Variants in AGPAT5 observed in about 807,000 individuals in gnomAD.
The protein encoded by AGPAT5 is 1-acylglycerol-3-phosphate O-acyltransferase 5, also known as 1-acyl-sn-glycerol-3-phosphate acyltransferase epsilon.
AGPAT5 carries 46 observed loss-of-function variants against 45.6 expected under a neutral mutation model. The observed-to-expected ratio is 1.01, with a 90% CI of 0.80 to 1.29. The LOEUF is 1.29. Ranked by LOEUF, AGPAT5 falls within the 50% of genes most tolerant of loss-of-function variation. AGPAT5 has a pLI of 0.00. For synonymous variants in AGPAT5, 272 were observed against 167.0 expected (o/e 1.63, Z -4.85); for missense variants, 673 against 450.7 (o/e 1.49, Z -4.47).
At chr8:6,734,692 G>C (rs1186238585) in intron 4 of AGPAT5, among the ~76,000 whole-genome samples, 3 of 151,918 alleles carry the variant, frequency 2.0e-5, no homozygotes, top group African/African-American at 7.3e-5. Flanking sequence ...GGCCTTTTTT[G>C]TAAGACAGGA....
At chr8:6,711,155 T>G (rs1186756181) in intron 1 of AGPAT5, among the ~76,000 whole-genome samples, 1 of 152,230 alleles carries the variant, frequency 6.6e-6, no homozygotes, top group Non-Finnish European at 1.5e-5. Flanking sequence ...TGGTTCACAG[T>G]AGTTCTTGCA....
chr8:6,745,833 TGCTTA>T (rs930645154), intron 5 of AGPAT5: 3 of 152,226 alleles, frequency 2.0e-5, no homozygotes, highest in African/African-American at 7.2e-5. Flanking sequence ...GGTTTCCACA[TGCTTA>T]GCTTCGGTTG....
intron 4 of AGPAT5, 129 bp downstream of exon 4, chr8:6,732,779 G>C: frequency 1.2e-6 from 1 of 847,320 alleles, no homozygotes; most frequent in East Asian, 3.0e-5. Flanking sequence ...GGGTTATGCT[G>C]AGGTAACAGA....
intron 6 of AGPAT5, among the ~76,000 whole-genome samples, chr8:6,748,404 A>G (rs1020991438): frequency 2.0e-5 from 3 of 152,242 alleles, no homozygotes; most frequent in African/African-American, 2.4e-5. Flanking sequence ...AAACATGGAA[A>G]TAGGCAAACA....
intron 1 of AGPAT5, among the ~76,000 whole-genome samples, chr8:6,719,883 A>G (rs865990384): frequency 6.6e-6 from 1 of 152,328 alleles, no homozygotes; most frequent in African/African-American, 2.4e-5. Flanking sequence ...GGGGGATATG[A>G]TCAGAAGATG....
chr8:6,752,119 G>A (rs1430083369), intron 6 of AGPAT5, among the ~76,000 whole-genome samples: 1 of 152,136 alleles, frequency 6.6e-6, no homozygotes, highest in African/African-American at 2.4e-5. Flanking sequence ...AGCAGTTGCA[G>A]TGAGCTAAGA....
At chr8:6,756,396 G>A (rs774666600) in intron 7 of AGPAT5, among the ~76,000 whole-genome samples, 1 of 152,088 alleles carries the variant, frequency 6.6e-6, no homozygotes, top group Admixed American at 6.6e-5. Context: ...GGAGGCTAAG[G>A]CAGGCAAATT....
chr8:6,740,319 G>T (rs1801205240), intron 4 of AGPAT5, among the ~76,000 whole-genome samples: 1 of 151,854 alleles, frequency 6.6e-6, no homozygotes, highest in Non-Finnish European at 1.5e-5. Context: ...AATGTGTGGT[G>T]TTTGGAACTA....
intron 4 of AGPAT5, among the ~76,000 whole-genome samples, chr8:6,741,447 G>A (rs1258387100): frequency 6.6e-6 from 1 of 151,498 alleles, no homozygotes. Flanking sequence ...AATGAATGTA[G>A]CACTGCATTT....
At chr8:6,729,276 GA>G (rs1800786014) in intron 2 of AGPAT5, among the ~76,000 whole-genome samples, 1 of 151,704 alleles carries the variant, frequency 6.6e-6, no homozygotes, top group South Asian at 2.1e-4. Context: ...GTAATCTGTG[GA>G]AAACTGTCCT....
chr8:6,709,036 C>A (rs967209405), intron 1 of AGPAT5, 149 bp downstream of exon 1: 1 of 789,540 alleles, frequency 1.3e-6, no homozygotes, highest in Non-Finnish European at 2.1e-6. Context: ...CCTTCCTCTC[C>A]GCATGCTTCC....
chr8:6,720,357 T>C (rs1421216956), intron 1 of AGPAT5, among the ~76,000 whole-genome samples: 2 of 152,232 alleles, frequency 1.3e-5, no homozygotes, highest in Non-Finnish European at 2.9e-5. Context: ...ACATGGGTTA[T>C]TTTTAAAGGT....
At chr8:6,756,144 T>A (rs1364444575) in intron 7 of AGPAT5, among the ~76,000 whole-genome samples, 1 of 152,228 alleles carries the variant, frequency 6.6e-6, no homozygotes, top group Non-Finnish European at 1.5e-5. Context: ...GGGTATGTTC[T>A]GCTATCATAA....
rs1800023786 is a variant in AGPAT5 at position 6,708,747 on chromosome 8, A to G, written c.79A>G (p.Thr27Ala). Reference sequence around the variant, plus strand: ...CGTCGTGCTCCTGGGCACGGCGCCCACCTACGTGTTGGCCTGGGGGGTCTG... The same window carrying G: ...CGTCGTGCTCCTGGGCACGGCGCCCGCCTACGTGTTGGCCTGGGGGGTCTG... ...PSVVLLGTAP[T>A]YVLAWGVWRL... Residue 27 changes from threonine to alanine, a missense_variant, in exon 1 of 8, where the codon ACC (threonine) becomes GCC (alanine). Transcript: ENST00000285518. The G allele has an allele frequency of 6.2e-7, 1 of 1,608,050 alleles. No individual in the cohort carries two copies. The highest frequency in any genetic ancestry group is 8.5e-7 in the Non-Finnish European group (1 of 1,179,664).
At chr8:6,753,611 A>C (rs1158851683) in intron 6 of AGPAT5, among the ~76,000 whole-genome samples, 1 of 152,156 alleles carries the variant, frequency 6.6e-6, no homozygotes, top group Admixed American at 6.5e-5. Context: ...AGAGGCGGAC[A>C]GTTGTCCAAG....
In AGPAT5 at chr8:6,761,388, C is replaced by T. The variant is rs1802040210; in HGVS notation, c.*4000C>T. ...TCTGTGTCTCCAGCAGGCAAGAATA[C>T]TTGACTAACTCTTTTTGTCTCTTTA... On this transcript the variant is annotated 3_prime_UTR_variant, in exon 8 of 8. Coordinates refer to ENST00000285518, the MANE Select transcript of AGPAT5 (RefSeq NM_018361.5). Among the ~76,000 whole-genome samples, 2 of 152,138 alleles carry T rather than the reference C, an allele frequency of 1.3e-5. No homozygotes were observed. The highest frequency in any genetic ancestry group is 1.3e-4 in the Admixed American group (2 of 15,278).
At chr8:6,733,445 C>G (rs148655612) in intron 4 of AGPAT5, among the ~76,000 whole-genome samples, 2 of 152,300 alleles carry the variant, frequency 1.3e-5, no homozygotes, top group African/African-American at 4.8e-5. Context: ...CTGGTGTGAG[C>G]ATTGTTTATT....
In AGPAT5 at chr8:6,760,723, C is replaced by A. The variant is rs1004500003; in HGVS notation, c.*3335C>A. Among the ~76,000 whole-genome samples the A allele has an allele frequency of 6.6e-6, 1 of 152,104 alleles. No homozygotes were observed. The highest frequency in any genetic ancestry group is 2.4e-5 in the African/African-American group (1 of 41,404). On this transcript the variant is annotated 3_prime_UTR_variant, in exon 8 of 8. Transcript: ENST00000285518. ...CCTCCTTTTGGGCCAGTTTTCATTA[C>A]GAGTAACTCACACTTTTTGATTAAA...
rs553175884 is a variant in AGPAT5 at position 6,761,491 on chromosome 8, T to C, written c.*4103T>C. 3.0e-4 allele frequency among the ~76,000 whole-genome samples: 45 copies of C among 152,348 alleles called. No individual in the cohort carries two copies. The highest frequency in any genetic ancestry group is 1.0e-3 in the African/African-American group (43 of 41,584). On this transcript the variant is annotated 3_prime_UTR_variant, in exon 8 of 8. Coordinates refer to ENST00000285518, the MANE Select transcript of AGPAT5 (RefSeq NM_018361.5). ...ATTAATTCAGCAATAAAGGAAAATATGCATCTCAAAAATTGGTGATAAAAA... is the reference window on the plus strand; with the variant it reads ...ATTAATTCAGCAATAAAGGAAAATACGCATCTCAAAAATTGGTGATAAAAA...
Sources: gnomAD v4.1 joint callset for allele counts (sites outside exome capture counted in the v4.1 genomes callset) on GRCh38, gnomAD v4.1.1 for gene constraint, MANE v1.5 for transcripts, NCBI Gene and HGNC (gene_info 2026-07-23, HGNC 2026-07-21) for gene names.